PLCB1: variants seen among roughly 807,000 people sequenced by gnomAD.
PLCB1 encodes phospholipase C beta 1.
Under a neutral mutation model 161.8 loss-of-function variants are expected in PLCB1, and 46 were observed. The observed-to-expected ratio is 0.28, with a 90% confidence interval of 0.22 to 0.36. PLCB1 has a LOEUF of 0.36. PLCB1 is among the 10% of genes least tolerant of loss of function. The pLI is 1.00. For synonymous variants in PLCB1, 517 were observed against 503.7 expected (o/e 1.03, Z -0.35); for missense variants, 1,016 against 1,472.5 (o/e 0.69, Z 5.07).
At chr20:8,328,680 A>G (rs770156288) in intron 2 of PLCB1, among the ~76,000 whole-genome samples, 3 of 152,098 alleles carry the variant, frequency 2.0e-5, no homozygotes, top group Admixed American at 6.6e-5. Flanking sequence ...CCACTCTAAT[A>G]TGCAACTTTG....
At chr20:8,277,852 G>C (rs763859772) in intron 2 of PLCB1, among the ~76,000 whole-genome samples, 34 of 152,230 alleles carry the variant, frequency 2.2e-4, no homozygotes, top group South Asian at 6.2e-4. Context: ...GCAAAGGGGT[G>C]ACAATATACT....
At chr20:8,430,547 G>T (rs1979994743) in intron 3 of PLCB1, among the ~76,000 whole-genome samples, 1 of 152,206 alleles carries the variant, frequency 6.6e-6, no homozygotes, top group Non-Finnish European at 1.5e-5. Flanking sequence ...ACCTAGTTGG[G>T]AGATGTTAGG....
intron 2 of PLCB1, among the ~76,000 whole-genome samples, chr20:8,337,022 G>A (rs551873968): frequency 6.6e-6 from 1 of 152,140 alleles, no homozygotes; most frequent in African/African-American, 2.4e-5. Context: ...GTCTAATTCA[G>A]TTCCCATAGT....
chr20:8,153,136 T>A (rs1224968040), intron 2 of PLCB1, among the ~76,000 whole-genome samples: 2 of 152,108 alleles, frequency 1.3e-5, no homozygotes, highest in Non-Finnish European at 2.9e-5. Flanking sequence ...AGCTAGCGAG[T>A]CATTTTTAGG....
intron 3 of PLCB1, among the ~76,000 whole-genome samples, chr20:8,570,864 G>C (rs80073070): frequency 0.024 from 3,728 of 152,302 alleles, 85 homozygotes; most frequent in Middle Eastern, 0.054. Flanking sequence ...CATTTAAGCT[G>C]AGATCTGTAT....
At chr20:8,471,804 T>C (rs1315993585) in intron 3 of PLCB1, among the ~76,000 whole-genome samples, 2 of 152,106 alleles carry the variant, frequency 1.3e-5, no homozygotes, top group Non-Finnish European at 2.9e-5. Flanking sequence ...GCTGGGTAAG[T>C]TTCTCTCTTT....
chr20:8,408,913 C>T (rs1978909122), intron 3 of PLCB1, among the ~76,000 whole-genome samples: 1 of 152,252 alleles, frequency 6.6e-6, no homozygotes, highest in Non-Finnish European at 1.5e-5. Context: ...GCTATGTAAT[C>T]TTATCAAGGT....
chr20:8,321,603 C>T (rs960047860), intron 2 of PLCB1, among the ~76,000 whole-genome samples: 11 of 152,092 alleles, frequency 7.2e-5, no homozygotes, highest in South Asian at 2.1e-4. Flanking sequence ...AGTATTTTAC[C>T]GGTACCCCAT....
chr20:8,850,750 G>A (rs6056207), intron 31 of PLCB1, among the ~76,000 whole-genome samples: 48,573 of 151,988 alleles, frequency 0.32, 8,764 homozygotes, highest in East Asian at 0.63. Flanking sequence ...CTCACCAGAC[G>A]CCAAATCTTC....
chr20:8,164,307 C>T (rs1337456714), intron 2 of PLCB1, among the ~76,000 whole-genome samples: 1 of 152,128 alleles, frequency 6.6e-6, no homozygotes, highest in Non-Finnish European at 1.5e-5. Flanking sequence ...TTAACTTCAC[C>T]CCCAGATCAA....
chr20:8,407,812 C>T (rs979087347), intron 3 of PLCB1, among the ~76,000 whole-genome samples: 3 of 152,094 alleles, frequency 2.0e-5, no homozygotes, highest in African/African-American at 7.2e-5. Context: ...ACATTATCTG[C>T]TGGTCTTCTT....
At chr20:8,789,300 G>T (rs954200170) in intron 29 of PLCB1, among the ~76,000 whole-genome samples, 1 of 152,184 alleles carries the variant, frequency 6.6e-6, no homozygotes, top group Non-Finnish European at 1.5e-5. Context: ...GATGGCTTCA[G>T]CATGGGAGGT....
intron 3 of PLCB1, among the ~76,000 whole-genome samples, chr20:8,446,069 C>T (rs1379110066): frequency 6.6e-6 from 1 of 152,084 alleles, no homozygotes; most frequent in Non-Finnish European, 1.5e-5. Flanking sequence ...AGGCCAGCAT[C>T]ATCCTGATAC....
In PLCB1 at chr20:8,423,423, C is replaced by T. The variant is rs529044377; in HGVS notation, c.246+51973C>T. Reference sequence around the variant, plus strand: ...TGCCTATCCTGTGTGCTGAGTGGTACGTAAACAGCTTACTGGGGATGAGGT... The same window carrying T: ...TGCCTATCCTGTGTGCTGAGTGGTATGTAAACAGCTTACTGGGGATGAGGT... On this transcript the variant is annotated intron_variant, in intron 3 of 31. Transcript: ENST00000338037. Among the ~76,000 whole-genome samples the T allele has an allele frequency of 5.3e-5, 8 of 152,160 alleles. No homozygotes were observed. The East Asian group carries it at 1.3e-3, about 26-fold the overall frequency.
At position 8,690,238 on chromosome 20, in the gene PLCB1, G is replaced by A. The variant is rs189291354; in HGVS notation, c.1009+5160G>A. Among the ~76,000 whole-genome samples the A allele has an allele frequency of 6.5e-3, 985 of 151,328 alleles. 16 individuals carry two copies. Among genetic ancestry groups the A allele is most frequent in the African/African-American group, 0.023 (956 of 41,276 alleles). On this transcript the variant is annotated intron_variant, in intron 10 of 31. Coordinates refer to ENST00000338037, the MANE Select transcript of PLCB1 (RefSeq NM_015192.4). The stretch of plus-strand genomic sequence containing the variant: ...GATAAATCTGTAACCACTCAACTGG[G>A]TTCTTCTTGCCTGCTGCCTAGAAAA...
intron 4 of PLCB1, among the ~76,000 whole-genome samples, chr20:8,634,804 A>T (rs1296493366): frequency 1.3e-5 from 2 of 152,222 alleles, no homozygotes; most frequent in Non-Finnish European, 2.9e-5. Flanking sequence ...CAGTGACCCA[A>T]CATAGTCCCT....
chr20:8,463,578 T>C (rs1981684744), intron 3 of PLCB1, among the ~76,000 whole-genome samples: 1 of 152,196 alleles, frequency 6.6e-6, no homozygotes, highest in East Asian at 1.9e-4. Flanking sequence ...TTGATGTAGT[T>C]ACTACAGCCA....
At chr20:8,851,572 G>T (rs1160065523) in intron 31 of PLCB1, among the ~76,000 whole-genome samples, 1 of 152,096 alleles carries the variant, frequency 6.6e-6, no homozygotes, top group Non-Finnish European at 1.5e-5. Context: ...GGGACTTTTT[G>T]TTGATAAGGA....
intron 18 of PLCB1, 144 bp downstream of exon 18, chr20:8,729,318 T>G: frequency 1.7e-6 from 1 of 584,816 alleles, no homozygotes; most frequent in Non-Finnish European, 2.7e-6. Flanking sequence ...GGAATATCAA[T>G]GCATAAAAAA....
Sources: gnomAD v4.1 joint callset for allele counts (sites outside exome capture counted in the v4.1 genomes callset) on GRCh38, gnomAD v4.1.1 for gene constraint, MANE v1.5 for transcripts, NCBI Gene and HGNC (gene_info 2026-07-23, HGNC 2026-07-21) for gene names.